PRAG1: variants seen among roughly 807,000 people sequenced by gnomAD.
PRAG1 encodes PEAK1 related, kinase-activating pseudokinase 1.
In PRAG1, 110 loss-of-function variants were observed where a neutral mutation model predicts 95.6. The observed-to-expected ratio is 1.15, with a 90% confidence interval of 0.99 to 1.35. The LOEUF (loss-of-function observed/expected upper bound fraction) is 1.35. Ranked by LOEUF, PRAG1 falls within the 40% of genes most tolerant of loss-of-function variation. PRAG1 has a pLI of 0.00. For missense variants in PRAG1, 2,554 were observed against 1,864.7 expected, an observed-to-expected ratio of 1.37 and a Z score of -6.81; for synonymous variants, 1,052 against 819.4, an observed-to-expected ratio of 1.28 and a Z score of -4.85.
chr8:8,378,222 T>C, intron 2 of PRAG1, 144 bp from the exon 3 acceptor site: 1 of 903,070 alleles, frequency 1.1e-6, no homozygotes, highest in South Asian at 2.0e-5. Context: ...GGGGACTCAG[T>C]GCACGCCCAC....
At chr8:8,367,355 G>A (rs868687742) in intron 3 of PRAG1, among the ~76,000 whole-genome samples, 1 of 148,532 alleles carries the variant, frequency 6.7e-6, no homozygotes, top group South Asian at 2.2e-4. Context: ...CTACTCGGGA[G>A]GATGAGGCAG....
chr8:8,377,544 A>C lies in PRAG1; in HGVS notation c.865T>G (p.Trp289Gly), dbSNP rs1800460408. 1 of 1,596,694 alleles carries C rather than the reference A, an allele frequency of 6.3e-7. No homozygotes were observed. The highest frequency in any genetic ancestry group is 1.7e-5 in the Admixed American group (1 of 58,314). The change falls in exon 3 of 6, where the codon TGG becomes GGG. Residue 289 changes from tryptophan (W) to glycine (G), a missense_variant. Coordinates refer to ENST00000615670, the MANE Select transcript of PRAG1 (RefSeq NM_001080826.3). ...HGGRDCSPTC[W>G]EQGKCSGPAE... Reference sequence around the variant, plus strand: ...GGCCCGGAACACTTCCCCTGCTCCCAGCACGTGGGTGAGCAGTCCCTGCCA... The same window carrying C: ...GGCCCGGAACACTTCCCCTGCTCCCCGCACGTGGGTGAGCAGTCCCTGCCA...
chr8:8,367,344 G>C (rs1800041629), intron 3 of PRAG1, among the ~76,000 whole-genome samples: 1 of 151,016 alleles, frequency 6.6e-6, no homozygotes, highest in Non-Finnish European at 1.5e-5. Flanking sequence ...TGTAATCCCA[G>C]CTACTCGGGA....
Position 8,376,624 on chromosome 8 carries a change from G to T in PRAG1, c.1785C>A (p.Pro595=), listed in dbSNP as rs199749191. 1.2e-4 allele frequency: 193 copies of T among 1,604,116 alleles called. No homozygotes were observed. Among genetic ancestry groups the T allele is most frequent in the Admixed American group, 3.4e-4 (20 of 59,378 alleles). ...CACCGTTGGTCCGGCAGGAAGGAGCGGGGTCAGCAGGACCTTGGGATGGAG... is the reference window on the plus strand; with the variant it reads ...CACCGTTGGTCCGGCAGGAAGGAGCTGGGTCAGCAGGACCTTGGGATGGAG... ...PQPPSQGPAD[P]APSCRTNGVA... is the part of the protein sequence containing the mutation. The change falls in exon 3 of 6, where the codon CCC becomes CCA. Residue 595 remains proline, a synonymous_variant. Transcript: ENST00000615670.
At position 8,358,127 on chromosome 8, in the gene PRAG1, G is replaced by T. The variant is rs558535224; in HGVS notation, c.2162+18120C>A. On this transcript the variant is annotated intron_variant, in intron 3 of 5. Transcript: ENST00000615670. ...TTCTGATCAATCAATTATAAATTGG[G>T]GCTCCCATAATCTCCTCCTTGGGTT... 6.1e-4 allele frequency among the ~76,000 whole-genome samples: 93 copies of T among 152,260 alleles called. 1 individual carries two copies. The highest frequency in any genetic ancestry group is 3.1e-3 in the South Asian group (15 of 4,824).
chr8:8,377,015 T>G lies in PRAG1; in HGVS notation c.1394A>C (p.Asp465Ala), dbSNP rs1271127437. The change falls in exon 3 of 6, where the codon GAC becomes GCC. Residue 465 changes from aspartate (D) to alanine (A), a missense_variant. By Grantham distance (126) the Asp-to-Ala change is moderately radical. Transcript: ENST00000615670. ...AASGWGRDSP[D>A]PTPQVSATIT... is the part of the protein sequence containing the mutation. The stretch of plus-strand genomic sequence containing the variant: ...GGTGGCTGACACCTGGGGAGTTGGG[T>G]CTGGGCTGTCCCGGCCCCAGCCAGA... The G allele has an allele frequency of 1.9e-6, 3 of 1,613,712 alleles. No individual in the cohort carries two copies. In the African/African-American group the frequency reaches 4.0e-5, roughly 22 times the overall value.
intron 3 of PRAG1, among the ~76,000 whole-genome samples, chr8:8,342,762 C>T (rs537021640): frequency 1.3e-5 from 2 of 151,838 alleles, no homozygotes; most frequent in Admixed American, 6.6e-5. Flanking sequence ...TGTAGAAACA[C>T]GAATTTTCAA....
chr8:8,321,523 A>G (rs1290363889), intron 5 of PRAG1, among the ~76,000 whole-genome samples: 1 of 152,198 alleles, frequency 6.6e-6, no homozygotes, highest in African/African-American at 2.4e-5. Context: ...GGAGGACATC[A>G]CTGTTATTGT....
intron 3 of PRAG1, among the ~76,000 whole-genome samples, chr8:8,340,590 T>C (rs1035729885): frequency 1.1e-4 from 17 of 152,266 alleles, no homozygotes; most frequent in African/African-American, 3.9e-4. Context: ...AAATATACAG[T>C]ACAGTACTGA....
chr8:8,357,081 C>T (rs978579127), intron 3 of PRAG1, among the ~76,000 whole-genome samples: 6 of 151,986 alleles, frequency 3.9e-5, no homozygotes, highest in Admixed American at 1.3e-4. Flanking sequence ...TAAAATTCCT[C>T]GTGGAAAACA....
chr8:8,319,519 C>T (rs1043179246), intron 5 of PRAG1, among the ~76,000 whole-genome samples: 1 of 152,054 alleles, frequency 6.6e-6, no homozygotes, highest in African/African-American at 2.4e-5. Flanking sequence ...TAGCATAGTT[C>T]ACAAAAGAAA....
chr8:8,358,122 A>T (rs1585255016), intron 3 of PRAG1, among the ~76,000 whole-genome samples: 1 of 152,200 alleles, frequency 6.6e-6, no homozygotes, highest in Admixed American at 6.5e-5. Context: ...TCAATTATAA[A>T]TTGGGGCTCC....
At chr8:8,357,228 T>C (rs1799710290) in intron 3 of PRAG1, among the ~76,000 whole-genome samples, 1 of 152,072 alleles carries the variant, frequency 6.6e-6, no homozygotes, top group African/African-American at 2.4e-5. Flanking sequence ...AAGGACATAA[T>C]CAATAGAGTG....
In PRAG1 at chr8:8,319,163, T is replaced by C. The variant is rs932887513; in HGVS notation, c.3212A>G (p.Asp1071Gly). ...GTGTGTGGGCAGGGCAGGCACAGGG[T>C]CCTTGGGCGCGTCGGGGGAGCTGAG... ...SMLSSPDAPK[D>G]PVPALPTHPP... Residue 1071 changes from aspartate (D) to glycine (G), a missense_variant, in exon 6 of 6, where the codon GAC (aspartate) becomes GGC (glycine). Asp to Gly is a moderately conservative substitution (Grantham distance 94). Coordinates refer to ENST00000615670, the MANE Select transcript of PRAG1 (RefSeq NM_001080826.3). 6.2e-7 allele frequency: 1 copy of C among 1,603,808 alleles called. No homozygotes were observed. The highest frequency in any genetic ancestry group is 8.5e-7 in the Non-Finnish European group (1 of 1,174,902).
chr8:8,326,736 G>A lies in PRAG1; in HGVS notation c.3072+974C>T, dbSNP rs116052190. ...TCTCTGAACTTCATTTATCTTAAAT[G>A]GTAGGGACATAACTTAGGCTTTGGA... On this transcript the variant is annotated intron_variant, in intron 5 of 5. Transcript: ENST00000615670. Among the ~76,000 whole-genome samples, 739 of 152,270 alleles carry A rather than the reference G, an allele frequency of 4.9e-3. 4 individuals carry two copies. Among genetic ancestry groups the A allele is most frequent in the African/African-American group, 0.016 (654 of 41,534 alleles).
chr8:8,323,572 C>T (rs563225065), intron 5 of PRAG1, among the ~76,000 whole-genome samples: 25 of 152,262 alleles, frequency 1.6e-4, no homozygotes, highest in Admixed American at 8.5e-4. Flanking sequence ...GATCTACCTG[C>T]CTTGGCCTCC....
intron 3 of PRAG1, among the ~76,000 whole-genome samples, chr8:8,369,235 C>G (rs1304203350): frequency 6.6e-6 from 1 of 150,944 alleles, no homozygotes; most frequent in East Asian, 1.9e-4. Flanking sequence ...CATTGAACAT[C>G]TACTACATAT....
chr8:8,368,756 C>T (rs748267223), intron 3 of PRAG1, among the ~76,000 whole-genome samples: 12 of 152,142 alleles, frequency 7.9e-5, no homozygotes, highest in Middle Eastern at 3.4e-3. Context: ...TTGTATTTTC[C>T]AATGCACCTG....
rs1470559658 is a variant in PRAG1 at position 8,373,454 on chromosome 8, A to ATTGTTTTTTTTTTTTTTTTTT, written c.2162+2792_2162+2793insAAAAAAAAAAAAAAAAAACAA. 9.4e-5 allele frequency among the ~76,000 whole-genome samples: 13 copies of ATTGTTTTTTTTTTTTTTTTTT among 138,354 alleles called. 1 individual carries two copies. The highest frequency in any genetic ancestry group is 2.4e-4 in the South Asian group (1 of 4,134). The allele number at this position is 138,354 out of a possible 152,430, so 90.8% of individuals were successfully genotyped here. ...CTCTTAAGCTAATTTTATTTTCTAG[A>ATTGTTTTTTTTTTTTTTTTTT]TTTTTTTTTTTTTGAGACAGGGTCT... is the stretch of plus-strand genomic sequence containing the variant. On this transcript the variant is annotated intron_variant, in intron 3 of 5. Transcript: ENST00000615670.
Sources: gnomAD v4.1 joint callset for allele counts (sites outside exome capture counted in the v4.1 genomes callset) on GRCh38, gnomAD v4.1.1 for gene constraint, MANE v1.5 for transcripts, NCBI Gene and HGNC (gene_info 2026-07-23, HGNC 2026-07-21) for gene names.